The following IQCM variants were observed in gnomAD, a reference collection of about 807,000 sequenced individuals.
IQCM encodes the protein IQ domain-containing protein M.
In IQCM, 45 loss-of-function variants were observed where a neutral mutation model predicts 57.6. The ratio of observed to expected loss-of-function variants is 0.78; its 90% CI spans 0.62 to 1.00. The LOEUF (loss-of-function observed/expected upper bound fraction) is 1.00, where lower values mean the gene tolerates loss of function less well. Ranked by LOEUF, IQCM falls within the 50% of genes least tolerant of loss-of-function variation. IQCM has a pLI of 0.00. For synonymous variants in IQCM, 148 were observed against 158.9 expected (o/e 0.93, Z 0.51); for missense variants, 468 against 511.6 (o/e 0.91, Z 0.82).
At chr4:149,533,806 G>A (rs1016867192) in intron 12 of IQCM, among the ~76,000 whole-genome samples, 2 of 152,070 alleles carry the variant, frequency 1.3e-5, no homozygotes, top group African/African-American at 4.8e-5. Context: ...TGGGGATTAT[G>A]GGAATTACAG....
At chr4:149,683,660 G>T (rs1356626880) in intron 6 of IQCM, among the ~76,000 whole-genome samples, 4 of 151,142 alleles carry the variant, frequency 2.6e-5, no homozygotes, top group African/African-American at 9.7e-5. Flanking sequence ...CATTGATCAG[G>T]CATAATTTCC....
intron 12 of IQCM, among the ~76,000 whole-genome samples, chr4:149,446,845 A>G (rs1314829288): frequency 2.0e-5 from 3 of 151,638 alleles, no homozygotes; most frequent in Non-Finnish European, 3.0e-5. Flanking sequence ...TATATTTTAC[A>G]TGTATTATAA....
intron 6 of IQCM, among the ~76,000 whole-genome samples, chr4:149,683,397 AG>A (rs1262798886): frequency 6.6e-6 from 1 of 151,278 alleles, no homozygotes; most frequent in Non-Finnish European, 1.5e-5. Context: ...TCTATGAAAG[AG>A]GGGACTCTTC....
At chr4:149,660,044 A>C (rs1164787812) in intron 7 of IQCM, among the ~76,000 whole-genome samples, 1 of 151,402 alleles carries the variant, frequency 6.6e-6, no homozygotes, top group East Asian at 1.9e-4. Context: ...GTGAACAGGC[A>C]ACCCACAAAA....
At chr4:149,704,270 G>A (rs925404341) in intron 5 of IQCM, among the ~76,000 whole-genome samples, 1 of 151,800 alleles carries the variant, frequency 6.6e-6, no homozygotes, top group Non-Finnish European at 1.5e-5. Flanking sequence ...ACACAATCAT[G>A]TATCATCTTG....
chr4:149,368,851 T>C lies in IQCM; in HGVS notation c.1391-16785A>G, dbSNP rs554596765. Among the ~76,000 whole-genome samples, 123 of 60,590 alleles carry C rather than the reference T, an allele frequency of 2.0e-3. 3 individuals are homozygous for C. Among genetic ancestry groups the C allele is most frequent in the African/African-American group, 2.7e-3 (42 of 15,534 alleles). The allele number at this position is 60,590 out of a possible 152,430, so 39.7% of individuals were successfully genotyped here. Reference sequence around the variant, plus strand: ...ATACATGTATATATATACATATATATACATGTATATATATACATATATACA... The same window carrying C: ...ATACATGTATATATATACATATATACACATGTATATATATACATATATACA... On this transcript the variant is annotated intron_variant, in intron 13 of 13. Transcript: ENST00000636793.
chr4:149,579,022 T>C (rs1482615603), intron 9 of IQCM, among the ~76,000 whole-genome samples: 1 of 151,902 alleles, frequency 6.6e-6, no homozygotes, highest in Non-Finnish European at 1.5e-5. Flanking sequence ...GCCTGAGATT[T>C]CATTCATTCT....
intron 12 of IQCM, among the ~76,000 whole-genome samples, chr4:149,501,410 T>C (rs537344496): frequency 3.5e-4 from 53 of 152,202 alleles, no homozygotes; most frequent in African/African-American, 1.3e-3. Context: ...ATTCCAGAAG[T>C]TCATCAGGAC....
At chr4:149,388,691 G>T (rs1731623125) in intron 13 of IQCM, among the ~76,000 whole-genome samples, 1 of 140,294 alleles carries the variant, frequency 7.1e-6, no homozygotes, top group Non-Finnish European at 1.5e-5. Flanking sequence ...AAAGAATGAG[G>T]ATAGTCCTTT....
chr4:149,594,538 C>T (rs1341977890), intron 8 of IQCM, among the ~76,000 whole-genome samples: 1 of 152,140 alleles, frequency 6.6e-6, no homozygotes, highest in African/African-American at 2.4e-5. Flanking sequence ...GTTCTTTTAA[C>T]TGTGATGTTG....
intron 8 of IQCM, among the ~76,000 whole-genome samples, chr4:149,598,390 T>A (rs1753969387): frequency 6.6e-6 from 1 of 152,090 alleles, no homozygotes; most frequent in Non-Finnish European, 1.5e-5. Flanking sequence ...AGATTAACCA[T>A]TTATTAAAAA....
At chr4:149,364,728 C>T (rs1049060248) in intron 13 of IQCM, among the ~76,000 whole-genome samples, 4 of 151,932 alleles carry the variant, frequency 2.6e-5, no homozygotes, top group Admixed American at 1.3e-4. Flanking sequence ...CAAAATGTAG[C>T]TTATAGAATA....
Position 149,634,013 on chromosome 4 carries a change from A to AT in IQCM, c.566-12770dup, listed in dbSNP as rs554273460. Among the ~76,000 whole-genome samples the AT allele has an allele frequency of 5.4e-4, 82 of 151,254 alleles. 1 individual carries two copies. The South Asian group carries it at 0.015, about 28-fold the overall frequency. ...TTTTTCTTTTTCTTTTTTTTCTTTTATTATTTATTTATTTGAGACAGACTC... is the reference window on the plus strand; with the variant it reads ...TTTTTCTTTTTCTTTTTTTTCTTTTATTTATTTATTTATTTGAGACAGACTC... On this transcript the variant is annotated intron_variant, in intron 7 of 13. Coordinates refer to ENST00000636793, the MANE Select transcript of IQCM (RefSeq NM_001363507.2).
intron 13 of IQCM, among the ~76,000 whole-genome samples, chr4:149,382,992 CAAAAA>C (rs202088268): frequency 1.9e-5 from 2 of 103,964 alleles, no homozygotes; most frequent in Non-Finnish European, 4.2e-5. Context: ...TATTCTTCAG[CAAAAA>C]AAAAAAAAAA....
chr4:149,669,750 T>C (rs952662269), intron 7 of IQCM, among the ~76,000 whole-genome samples: 12 of 152,326 alleles, frequency 7.9e-5, no homozygotes, highest in African/African-American at 2.9e-4. Context: ...TCCCCATTGC[T>C]TGTTTTTGTC....
At chr4:149,378,828 G>A (rs1730876034) in intron 13 of IQCM, among the ~76,000 whole-genome samples, 1 of 152,202 alleles carries the variant, frequency 6.6e-6, no homozygotes, top group South Asian at 2.1e-4. Context: ...TGGGGAGAAT[G>A]TCTCCAGGGA....
At chr4:149,474,969 T>A (rs1740023353) in intron 12 of IQCM, among the ~76,000 whole-genome samples, 1 of 152,048 alleles carries the variant, frequency 6.6e-6, no homozygotes, top group Non-Finnish European at 1.5e-5. Context: ...GGGGGCCAGA[T>A]AATGCAAGGG....
intron 7 of IQCM, among the ~76,000 whole-genome samples, chr4:149,637,070 G>A (rs1757783959): frequency 6.7e-6 from 1 of 149,200 alleles, no homozygotes; most frequent in Non-Finnish European, 1.5e-5. Flanking sequence ...GTGAACCCGG[G>A]AAGCGGAGCT....
At chr4:149,559,340 G>A (rs569386480) in intron 10 of IQCM, among the ~76,000 whole-genome samples, 3 of 152,096 alleles carry the variant, frequency 2.0e-5, no homozygotes, top group Non-Finnish European at 4.4e-5. Flanking sequence ...TTCTAAGAAC[G>A]TTATTAATCT....
Sources: gnomAD v4.1 joint callset for allele counts (sites outside exome capture counted in the v4.1 genomes callset) on GRCh38, gnomAD v4.1.1 for gene constraint, MANE v1.5 for transcripts, NCBI Gene and HGNC (gene_info 2026-07-23, HGNC 2026-07-21) for gene names.